CRIM1: variants seen among roughly 807,000 people sequenced by gnomAD.
CRIM1 encodes the protein cysteine-rich motor neuron 1 protein.
CRIM1 carries 32 observed loss-of-function variants against 116.4 expected under a neutral mutation model. The ratio of observed to expected loss-of-function variants is 0.27; its 90% confidence interval spans 0.21 to 0.37. The LOEUF (loss-of-function observed/expected upper bound fraction) is 0.37, where lower values mean the gene tolerates loss of function less well. Ranked by LOEUF, CRIM1 falls within the 10% of genes least tolerant of loss-of-function variation. CRIM1 has a pLI of 1.00. For missense variants in CRIM1, 1,331 were observed against 1,354.8 expected (o/e 0.98, Z 0.28); for synonymous variants, 590 against 509.2 (o/e 1.16, Z -2.13).
At chr2:36,374,200 C>G (rs983821762) in intron 1 of CRIM1, among the ~76,000 whole-genome samples, 9 of 152,172 alleles carry the variant, frequency 5.9e-5, no homozygotes, top group Non-Finnish European at 2.9e-5. Context: ...GGCCTTGCCT[C>G]GTGAAAGGAG....
At chr2:36,411,794 T>C (rs1365860579) in intron 2 of CRIM1, among the ~76,000 whole-genome samples, 1 of 152,192 alleles carries the variant, frequency 6.6e-6, no homozygotes, top group Non-Finnish European at 1.5e-5. Context: ...ACATTAGTTA[T>C]AGACTCTTAA....
chr2:36,406,969 A>G (rs1672856337), intron 2 of CRIM1, among the ~76,000 whole-genome samples: 2 of 152,150 alleles, frequency 1.3e-5, no homozygotes, highest in Non-Finnish European at 1.5e-5. Flanking sequence ...TTTTCCTGAC[A>G]TGAGCAGAGG....
intron 2 of CRIM1, among the ~76,000 whole-genome samples, chr2:36,427,208 A>G (rs1267608914): frequency 6.6e-6 from 1 of 151,922 alleles, no homozygotes; most frequent in Non-Finnish European, 1.5e-5. Flanking sequence ...CTCAAAAAAA[A>G]AAAAGAAAGA....
intron 7 of CRIM1, among the ~76,000 whole-genome samples, chr2:36,498,785 C>T (rs928990951): frequency 6.6e-6 from 1 of 152,052 alleles, no homozygotes; most frequent in Non-Finnish European, 1.5e-5. Flanking sequence ...AAATAGTAAC[C>T]GATTTCAGAA....
chr2:36,365,702 A>G (rs141708688), intron 1 of CRIM1, among the ~76,000 whole-genome samples: 1,679 of 150,116 alleles, frequency 0.011, 22 homozygotes, highest in Non-Finnish European at 0.017. Context: ...GTATGGTCCC[A>G]TTTTAGGAGA....
intron 4 of CRIM1, among the ~76,000 whole-genome samples, chr2:36,451,866 T>G (rs1050532909): frequency 3.9e-5 from 6 of 152,176 alleles, no homozygotes; most frequent in African/African-American, 1.4e-4. Flanking sequence ...GCACTTCTTT[T>G]TTTCTTCTTG....
chr2:36,451,861 T>G (rs3770877), intron 4 of CRIM1, among the ~76,000 whole-genome samples: 2,940 of 152,284 alleles, frequency 0.019, 83 homozygotes, highest in East Asian at 0.094. Context: ...AGAAAGCACT[T>G]CTTTTTTTCT....
At chr2:36,467,036 A>G (rs1678100222) in intron 5 of CRIM1, among the ~76,000 whole-genome samples, 1 of 152,180 alleles carries the variant, frequency 6.6e-6, no homozygotes, top group Non-Finnish European at 1.5e-5. Flanking sequence ...CCTCCACCTT[A>G]GCAACCTTGG....
chr2:36,488,979 CGT>C (rs1680037542), intron 7 of CRIM1, among the ~76,000 whole-genome samples: 1 of 152,152 alleles, frequency 6.6e-6, no homozygotes, highest in African/African-American at 2.4e-5. Context: ...TCAAAGCATG[CGT>C]TCTGTGTGCT....
chr2:36,370,755 G>T (rs1669891377), intron 1 of CRIM1, among the ~76,000 whole-genome samples: 1 of 152,136 alleles, frequency 6.6e-6, no homozygotes, highest in Admixed American at 6.5e-5. Context: ...GATAAAGGAT[G>T]ACCACTAGTT....
At chr2:36,378,192 G>A (rs920194434) in intron 1 of CRIM1, among the ~76,000 whole-genome samples, 1 of 152,232 alleles carries the variant, frequency 6.6e-6, no homozygotes, top group Non-Finnish European at 1.5e-5. Flanking sequence ...CTTCTGTGTA[G>A]CACAGCACTG....
Position 36,550,654 on chromosome 2 carries a change from C to G in CRIM1, c.*1953C>G, listed in dbSNP as rs553600058. 4 of 152,250 alleles carry G rather than the reference C, an allele frequency of 2.6e-5. No individual in the cohort carries two copies. The highest frequency in any genetic ancestry group is 7.2e-5 in the African/African-American group (3 of 41,440). The allele number at this position is 152,250 out of a possible 1,614,324, so 9.4% of individuals were successfully genotyped here. On this transcript the variant is annotated 3_prime_UTR_variant, in exon 17 of 17. Transcript: ENST00000280527. The stretch of plus-strand genomic sequence containing the variant: ...AAAAAGGTGTTCTAGCTGTTTGCAT[C>G]AAAGGAAAAAAAGATTTATTATCAA...
chr2:36,513,653 C>A lies in CRIM1; in HGVS notation c.1878C>A (p.Cys626Ter). 6.2e-7 allele frequency: 1 copy of A among 1,614,176 alleles called. No homozygotes were observed. Among genetic ancestry groups the A allele is most frequent in the Non-Finnish European group, 8.5e-7 (1 of 1,180,020 alleles). ...HKNEESWHDG[C>*]RECYCLNGRE... ...ATGAGGAGAGCTGGCACGATGGGTG[C>A]CGGGAATGCTACTGTCTCAATGGAC... The change falls in exon 11 of 17, where the codon TGC (cysteine) becomes TGA (stop). Residue 626 changes from cysteine (C) to a stop codon, truncating the protein, a stop_gained. Coordinates refer to ENST00000280527, the MANE Select transcript of CRIM1 (RefSeq NM_016441.3). LOFTEE classifies it high-confidence loss of function.
intron 1 of CRIM1, among the ~76,000 whole-genome samples, chr2:36,372,269 C>T (rs985808739): frequency 1.3e-5 from 2 of 152,150 alleles, no homozygotes; most frequent in Non-Finnish European, 2.9e-5. Flanking sequence ...AAGCAAAATT[C>T]CGTTTGGATT....
At chr2:36,494,714 T>C (rs954341612) in intron 7 of CRIM1, among the ~76,000 whole-genome samples, 4 of 152,192 alleles carry the variant, frequency 2.6e-5, no homozygotes, top group African/African-American at 9.6e-5. Context: ...ATTTTTGTTC[T>C]TTATTGCTTC....
chr2:36,417,551 T>C (rs1198569780), intron 2 of CRIM1, among the ~76,000 whole-genome samples: 1 of 152,202 alleles, frequency 6.6e-6, no homozygotes, highest in Non-Finnish European at 1.5e-5. Flanking sequence ...GTCTGTTATC[T>C]GAGTGTTTGG....
intron 2 of CRIM1, among the ~76,000 whole-genome samples, chr2:36,426,503 G>A (rs1212650606): frequency 6.6e-6 from 1 of 152,104 alleles, no homozygotes; most frequent in African/African-American, 2.4e-5. Context: ...AGCCTCTTTG[G>A]AAGAAATTAT....
intron 4 of CRIM1, among the ~76,000 whole-genome samples, chr2:36,460,529 G>A (rs1021601362): frequency 1.3e-5 from 2 of 152,176 alleles, no homozygotes; most frequent in African/African-American, 4.8e-5. Flanking sequence ...AATACTTATC[G>A]TAAGTGAATT....
At chr2:36,466,331 T>C (rs1343177895) in intron 5 of CRIM1, among the ~76,000 whole-genome samples, 3 of 152,126 alleles carry the variant, frequency 2.0e-5, no homozygotes, top group Non-Finnish European at 2.9e-5. Context: ...ACAGAAAAAG[T>C]TCTGTGCACT....
Sources: gnomAD v4.1 joint callset for allele counts (sites outside exome capture counted in the v4.1 genomes callset) on GRCh38, gnomAD v4.1.1 for gene constraint, MANE v1.5 for transcripts, NCBI Gene and HGNC (gene_info 2026-07-23, HGNC 2026-07-21) for gene names.